The following TBC1D9B variants were observed in gnomAD, a reference collection of about 807,000 sequenced individuals.
TBC1D9B encodes the protein TBC1 domain family, member 9B (with GRAM domain).
TBC1D9B carries 87 observed loss-of-function variants against 121.1 expected under a neutral mutation model. The ratio of observed to expected loss-of-function variants is 0.72; its 90% CI spans 0.60 to 0.86. The LOEUF is 0.86. Among genes scored for constraint, TBC1D9B ranks in the 40% least tolerant of loss-of-function variants. TBC1D9B has a pLI of 0.00. For missense variants in TBC1D9B, 1,540 were observed against 1,628.6 expected, an observed-to-expected ratio of 0.95 and a Z score of 0.94; for synonymous variants, 668 against 670.1, an observed-to-expected ratio of 1.00 and a Z score of 0.05.
rs7734254 is a variant in TBC1D9B, at chr5:179,885,637, C to T, written c.1254+2466G>A. 1.7e-4 allele frequency among the ~76,000 whole-genome samples: 26 copies of T among 152,120 alleles called. No homozygotes were observed. Among genetic ancestry groups the T allele is most frequent in the Admixed American group, 9.8e-4 (15 of 15,276 alleles). On this transcript the variant is annotated intron_variant, in intron 7 of 20. Transcript: ENST00000355235. This position sits in a 1 kb window ranked among gnomAD's most constrained non-coding sequence, Gnocchi z 4.5. Reference sequence around the variant, plus strand: ...GGTATTTTACGTTTTTCTTTTCATACGAAGTCTCCAAAACCCGTGTACAGT... The same window carrying T: ...GGTATTTTACGTTTTTCTTTTCATATGAAGTCTCCAAAACCCGTGTACAGT...
intron 7 of TBC1D9B, among the ~76,000 whole-genome samples, chr5:179,882,230 C>A (rs1166647111): frequency 6.6e-6 from 1 of 152,216 alleles, no homozygotes; most frequent in East Asian, 1.9e-4. Flanking sequence ...CAGGCATGAG[C>A]CATCAAGCCC....
intron 20 of TBC1D9B, among the ~76,000 whole-genome samples, chr5:179,864,498 A>C (rs1158039344): frequency 1.3e-5 from 2 of 151,988 alleles, no homozygotes; most frequent in African/African-American, 2.4e-5. Context: ...TTTTAATCAG[A>C]AGCAGCCTCA....
intron 10 of TBC1D9B, 82 bp downstream of exon 10, chr5:179,878,227 C>T (rs1051064100): frequency 6.2e-6 from 9 of 1,454,626 alleles, no homozygotes; most frequent in African/African-American, 2.8e-5. Flanking sequence ...AGGGTCACCA[C>T]ACAGGCCTGG....
chr5:179,867,458 G>A (rs1191080805), intron 18 of TBC1D9B: 2 of 1,557,656 alleles, frequency 1.3e-6, no homozygotes, highest in Non-Finnish European at 8.7e-7. Flanking sequence ...GAGCCTCCCA[G>A]GGCAGGAAAA....
chr5:179,863,912 T>C lies in TBC1D9B; in HGVS notation c.3238A>G (p.Arg1080Gly). 2 of 1,613,764 alleles carry C rather than the reference T, an allele frequency of 1.2e-6. No individual in the cohort carries two copies. Among genetic ancestry groups the C allele is most frequent in the Non-Finnish European group, 1.7e-6 (2 of 1,179,926 alleles). ...CCTGCAGCTGGGGGCTGAAGCTCCC[T>C]GGCTGCGTCCTGATGCAGTTCGGGT... Reference protein sequence around the residue: ...PAPELHQDAARELQPPAAGDP... With the variant: ...PAPELHQDAAGELQPPAAGDP... Residue 1080 changes from arginine (R) to glycine (G), a missense_variant, in exon 21 of 21, where the codon AGG (arginine) becomes GGG (glycine). Coordinates refer to ENST00000355235, the MANE Select transcript of TBC1D9B (RefSeq NM_015043.4). This position sits in a 1 kb window ranked among gnomAD's most constrained non-coding sequence, Gnocchi z 4.5.
rs746296457 is a variant in TBC1D9B, at chr5:179,865,249, C to G, written c.3021+5G>C. 1.9e-6 allele frequency: 3 copies of G among 1,614,016 alleles called. No individual in the cohort carries two copies. Among genetic ancestry groups the G allele is most frequent in the Admixed American group, 1.7e-5 (1 of 60,020 alleles). ...ATGTCTACTGTGGGCTCCAGTGGAG[C>G]CTACCTGGTTCATCTTGGGAAGATC... On this transcript the variant is annotated splice_donor_5th_base_variant and intron_variant, in intron 20 of 20. Transcript: ENST00000355235. The surrounding 1 kb of genome is among the most constrained non-coding windows in gnomAD (Gnocchi z 5.1).
chr5:179,896,647 C>A (rs918988660), intron 3 of TBC1D9B, among the ~76,000 whole-genome samples: 1 of 151,996 alleles, frequency 6.6e-6, no homozygotes, highest in Non-Finnish European at 1.5e-5. Flanking sequence ...CTCAGCCTCC[C>A]AAATAGGTGG....
At chr5:179,877,986 T>C (rs186632705) in intron 10 of TBC1D9B, among the ~76,000 whole-genome samples, 12 of 152,048 alleles carry the variant, frequency 7.9e-5, no homozygotes, top group African/African-American at 2.7e-4. Flanking sequence ...CGTGCAACAG[T>C]GTGAATGTGC....
Position 179,873,109 on chromosome 5 carries a change from G to C in TBC1D9B, c.2316+10C>G, listed in dbSNP as rs776487034. Reference sequence around the variant, plus strand: ...GCGGCCTGGCCAAAATGGCCCCACTGGGTGCTGACCTCATAGGACACTTTC... The same window carrying C: ...GCGGCCTGGCCAAAATGGCCCCACTCGGTGCTGACCTCATAGGACACTTTC... On this transcript the variant is annotated intron_variant, in intron 13 of 20. Transcript: ENST00000355235. 6.2e-7 allele frequency: 1 copy of C among 1,610,552 alleles called. No homozygotes were observed. Among genetic ancestry groups the C allele is most frequent in the East Asian group, 2.2e-5 (1 of 44,838 alleles).
In TBC1D9B at chr5:179,867,882, G is replaced by C. The variant is rs375480142; in HGVS notation, c.2792-33C>G. 160 of 1,502,802 alleles carry C rather than the reference G, an allele frequency of 1.1e-4. 1 individual carries two copies. The highest frequency in any genetic ancestry group is 5.0e-4 in the Middle Eastern group (2 of 4,038). 93.1% of individuals were successfully genotyped at this position (1,502,802 alleles called of 1,614,324 possible). ...TGGAGAGAAGGCAGAGTGAGGGCAG[G>C]AGGAAACAAGGAGATCCTCTCAGAG... On this transcript the variant is annotated intron_variant, in intron 17 of 20. Coordinates refer to ENST00000355235, the MANE Select transcript of TBC1D9B (RefSeq NM_015043.4).
At chr5:179,897,337 G>A (rs1421177725) in intron 3 of TBC1D9B, among the ~76,000 whole-genome samples, 26 of 149,252 alleles carry the variant, frequency 1.7e-4, no homozygotes, top group Admixed American at 9.3e-4. Context: ...TTTTGAGATG[G>A]AGTCTCGCTC....
chr5:179,875,099 G>A lies in TBC1D9B; in HGVS notation c.1989C>T (p.Ile663=), dbSNP rs1760322891. The A allele has an allele frequency of 6.2e-7, 1 of 1,613,968 alleles. No homozygotes were observed. Among genetic ancestry groups the A allele is most frequent in the African/African-American group, 1.3e-5 (1 of 74,952 alleles). ...LSEKMQDLGV[I]SSISLSWFLT... ...GGAACCAGGACAGCGAGATGCTGGAGATCACCCCCAGGTCCTGCATCTTCT... is the reference window on the plus strand; with the variant it reads ...GGAACCAGGACAGCGAGATGCTGGAAATCACCCCCAGGTCCTGCATCTTCT... The change falls in exon 12 of 21, where the codon ATC becomes ATT. Residue 663 remains isoleucine (I), a synonymous_variant. Transcript: ENST00000355235. This position sits in a 1 kb window ranked among gnomAD's most constrained non-coding sequence, Gnocchi z 4.5.
chr5:179,903,130 A>T (rs1419470482), intron 2 of TBC1D9B, among the ~76,000 whole-genome samples: 1 of 152,198 alleles, frequency 6.6e-6, no homozygotes, highest in Non-Finnish European at 1.5e-5. Context: ...TACCCTGGAG[A>T]ACAAGGGCAC....
chr5:179,893,861 G>A (rs1009554775), intron 4 of TBC1D9B, among the ~76,000 whole-genome samples: 9 of 152,190 alleles, frequency 5.9e-5, no homozygotes, highest in Admixed American at 1.3e-4. Context: ...CCACCTGGTC[G>A]TGACAGGTAA....
chr5:179,896,918 G>A (rs984507436), intron 3 of TBC1D9B, among the ~76,000 whole-genome samples: 6 of 151,156 alleles, frequency 4.0e-5, no homozygotes, highest in Non-Finnish European at 8.8e-5. Context: ...TCCTCACAGC[G>A]TATTTTGAGA....
At chr5:179,882,807 C>T (rs532317216) in intron 7 of TBC1D9B, among the ~76,000 whole-genome samples, 1 of 152,274 alleles carries the variant, frequency 6.6e-6, no homozygotes, top group South Asian at 2.1e-4. Flanking sequence ...CGAGATTGTG[C>T]CACTGCACTC....
chr5:179,869,751 T>A lies in TBC1D9B; in HGVS notation c.2791+18A>T. 6.2e-7 allele frequency: 1 copy of A among 1,611,122 alleles called. No homozygotes were observed. Among genetic ancestry groups the A allele is most frequent in the Non-Finnish European group, 8.5e-7 (1 of 1,178,536 alleles). On this transcript the variant is annotated intron_variant, in intron 17 of 20. Coordinates refer to ENST00000355235, the MANE Select transcript of TBC1D9B (RefSeq NM_015043.4). ...CAAGTGGGAGACCCTGGCTGGGGAG[T>A]GGGCAGGAGGCTCTCACCTGGGGGA...
chr5:179,898,024 T>C (rs1313754383), intron 3 of TBC1D9B, among the ~76,000 whole-genome samples: 1 of 152,114 alleles, frequency 6.6e-6, no homozygotes, highest in Non-Finnish European at 1.5e-5. Context: ...GAAAAAGACA[T>C]ATACATTCAG....
intron 7 of TBC1D9B, among the ~76,000 whole-genome samples, chr5:179,887,485 C>T (rs551404510): frequency 6.6e-6 from 1 of 152,280 alleles, no homozygotes; most frequent in African/African-American, 2.4e-5. Flanking sequence ...CACAAGTGAC[C>T]GATTCCTTCA....
Sources: allele counts gnomAD v4.1 joint callset (sites outside exome capture counted in the v4.1 genomes callset), GRCh38; gene constraint gnomAD v4.1.1; non-coding constraint Gnocchi (gnomAD v3.1); transcripts MANE v1.5; gene names NCBI Gene and HGNC (gene_info 2026-07-23, HGNC 2026-07-21).